Variants in PHC3 observed in about 807,000 individuals in gnomAD.
The protein encoded by PHC3 is polyhomeotic homolog 3.
PHC3 carries 13 observed loss-of-function variants against 107.4 expected under a neutral mutation model. The observed-to-expected ratio is 0.12, with a 90% CI of 0.08 to 0.19. The LOEUF (loss-of-function observed/expected upper bound fraction) is 0.19. Among genes scored for constraint, PHC3 ranks in the 10% least tolerant of loss-of-function variants. PHC3 has a pLI of 1.00. For synonymous variants in PHC3, 456 were observed against 427.4 expected (o/e 1.07, Z -0.83); for missense variants, 992 against 1,210.9 (o/e 0.82, Z 2.68).
intron 4 of PHC3, among the ~76,000 whole-genome samples, chr3:170,156,546 C>T (rs768092171): frequency 1.3e-5 from 2 of 151,916 alleles, no homozygotes; most frequent in Non-Finnish European, 2.9e-5. Flanking sequence ...GCCATCGCAC[C>T]CGGACTTTTA....
intron 7 of PHC3, among the ~76,000 whole-genome samples, chr3:170,131,238 G>T (rs988240468): frequency 6.6e-6 from 1 of 151,102 alleles, no homozygotes; most frequent in Non-Finnish European, 1.5e-5. Flanking sequence ...AAAATTTTAT[G>T]TCAGTCTTTT....
chr3:170,126,021 G>A (rs1721178656), intron 8 of PHC3: 4 of 943,652 alleles, frequency 4.2e-6, no homozygotes, highest in Non-Finnish European at 5.0e-6. Flanking sequence ...AGGAATATTT[G>A]TTTATTAGTT....
chr3:170,128,359 T>C, intron 8 of PHC3: 1 of 1,302,452 alleles, frequency 7.7e-7, no homozygotes. Flanking sequence ...AAAAACTTTG[T>C]GCAGATGACA....
chr3:170,089,855 T>C lies in PHC3; in HGVS notation c.*7375A>G, dbSNP rs1041650792. ...TCGCTTCAACCCGGGAGGTGGAGGT[T>C]GCAGTGAGCTGAGATCGCACCACTG... is the stretch of plus-strand genomic sequence containing the variant. On this transcript the variant is annotated 3_prime_UTR_variant, in exon 15 of 15. Coordinates refer to ENST00000495893, the MANE Select transcript of PHC3 (RefSeq NM_024947.4). 2.1e-5 allele frequency: 3 copies of C among 144,170 alleles called. No individual in the cohort carries two copies. The Admixed American group carries it at 2.2e-4, about 11-fold the overall frequency. 8.9% of individuals were successfully genotyped at this position (144,170 alleles called of 1,614,324 possible).
In PHC3 at chr3:170,162,975, C is replaced by T. The variant is rs78870623; in HGVS notation, c.414+8398G>A. On this transcript the variant is annotated intron_variant, in intron 4 of 14. Transcript: ENST00000495893. ...ATTAAAATGGCATATTCCCCCATTGCTTTATTTTTCTCCTTTTTTATTTCC... is the reference window on the plus strand; with the variant it reads ...ATTAAAATGGCATATTCCCCCATTGTTTTATTTTTCTCCTTTTTTATTTCC... Among the ~76,000 whole-genome samples, 732 of 139,284 alleles carry T rather than the reference C, an allele frequency of 5.3e-3. 5 individuals carry two copies. Among genetic ancestry groups the T allele is most frequent in the African/African-American group, 0.017 (699 of 40,922 alleles). The allele number at this position is 139,284 out of a possible 152,430, so 91.4% of individuals were successfully genotyped here.
At chr3:170,151,663 A>G (rs1726005477) in intron 4 of PHC3, among the ~76,000 whole-genome samples, 1 of 152,202 alleles carries the variant, frequency 6.6e-6, no homozygotes, top group South Asian at 2.1e-4. Flanking sequence ...GCTGCCCAAT[A>G]TGTAAGAAGG....
intron 11 of PHC3, among the ~76,000 whole-genome samples, chr3:170,111,329 C>CGAAA (rs1327089195): frequency 2.2e-5 from 2 of 91,384 alleles, no homozygotes; most frequent in African/African-American, 4.4e-5. Context: ...AACGAACGAA[C>CGAAA]GAAAGAACAA....
chr3:170,158,719 G>T (rs1727318232), intron 4 of PHC3, among the ~76,000 whole-genome samples: 1 of 151,798 alleles, frequency 6.6e-6, no homozygotes, highest in African/African-American at 2.4e-5. Context: ...TTGAGCTCAG[G>T]AGTTCGAGAC....
At chr3:170,123,356 T>TACACACACACACACACACACACACACAC (rs3980601) in intron 8 of PHC3, among the ~76,000 whole-genome samples, 7 of 149,822 alleles carry the variant, frequency 4.7e-5, no homozygotes, top group East Asian at 3.9e-4. Flanking sequence ...TTGAAATGCA[T>TACACACACACACACACACACACACACAC]ACACACACAC....
At chr3:170,175,623 G>T (rs371379196) in intron 2 of PHC3, among the ~76,000 whole-genome samples, 2 of 109,804 alleles carry the variant, frequency 1.8e-5, no homozygotes, top group South Asian at 3.2e-4. Context: ...AGGGAGAGAA[G>T]AAAAAAAAAA....
chr3:170,147,830 G>A (rs1725243569), intron 5 of PHC3: 1 of 152,116 alleles, frequency 6.6e-6, no homozygotes, highest in Non-Finnish European at 1.5e-5. Context: ...AACCTAAAAA[G>A]AAGATATTCA....
At chr3:170,128,304 A>G (rs754811763) in intron 8 of PHC3, 35 of 1,189,578 alleles carry the variant, frequency 2.9e-5, no homozygotes, top group Non-Finnish European at 3.8e-5. Context: ...TTGAGAACAT[A>G]CAAGCCAACA....
Position 170,094,744 on chromosome 3 carries a change from T to C in PHC3, c.*2486A>G, listed in dbSNP as rs1057297202. The C allele has an allele frequency of 6.6e-6, 1 of 152,302 alleles. No homozygotes were observed. Among genetic ancestry groups the C allele is most frequent in the African/African-American group, 2.4e-5 (1 of 41,578 alleles). 9.4% of individuals were successfully genotyped at this position (152,302 alleles called of 1,614,324 possible). A position where few individuals can be genotyped will look rare whatever the true frequency, so the allele number is the denominator to read the frequency against. ...AGCAAGTGCATATTTTGTGTATGTT[T>C]TGAGTGGGGACAACAGAGATCTGGA... is the stretch of plus-strand genomic sequence containing the variant. On this transcript the variant is annotated 3_prime_UTR_variant, in exon 15 of 15. Coordinates refer to ENST00000495893, the MANE Select transcript of PHC3 (RefSeq NM_024947.4).
rs1714365356 is a variant in PHC3 at position 170,093,851 on chromosome 3, AC to A, written c.*3378del. 6.6e-6 allele frequency: 1 copy of A among 152,214 alleles called. No homozygotes were observed. Among genetic ancestry groups the A allele is most frequent in the Non-Finnish European group, 1.5e-5 (1 of 68,030 alleles). 9.4% of individuals were successfully genotyped at this position (152,214 alleles called of 1,614,324 possible). On this transcript the variant is annotated 3_prime_UTR_variant, in exon 15 of 15. Transcript: ENST00000495893. ...TTCATAGTTCTAAGTATTTTGATAC[AC>A]CAGGAAACAAAAATCAACTGGGATC...
chr3:170,129,556 TGA>T lies in PHC3; in HGVS notation c.920-6_920-5del, dbSNP rs1721910467. ...GGCTGAATTGGAGAATATGAAGCTG[TGA>T]GAGAAAAAAATGACAATTAGTACTG... is the stretch of plus-strand genomic sequence containing the variant. On this transcript the variant is annotated splice_region_variant and splice_polypyrimidine_tract_variant and intron_variant, in intron 7 of 14. Transcript: ENST00000495893. 1 of 1,603,840 alleles carries T rather than the reference TGA, an allele frequency of 6.2e-7. No individual in the cohort carries two copies. The highest frequency in any genetic ancestry group is 1.3e-5 in the African/African-American group (1 of 74,182).
chr3:170,130,023 T>C (rs886670048), intron 7 of PHC3, among the ~76,000 whole-genome samples: 3 of 152,188 alleles, frequency 2.0e-5, no homozygotes, highest in African/African-American at 7.2e-5. Flanking sequence ...CAATTTATAG[T>C]TGGAAAACTA....
chr3:170,162,571 C>T (rs1728064070), intron 4 of PHC3, among the ~76,000 whole-genome samples: 1 of 152,196 alleles, frequency 6.6e-6, no homozygotes, highest in South Asian at 2.1e-4. Flanking sequence ...AACTACTTTT[C>T]TCCACCTCTA....
chr3:170,181,199 G>C (rs1418745065), intron 1 of PHC3, among the ~76,000 whole-genome samples: 1 of 152,192 alleles, frequency 6.6e-6, no homozygotes, highest in African/African-American at 2.4e-5. Flanking sequence ...CCGGCACGAG[G>C]GAAGCGGGCA....
chr3:170,172,271 A>G (rs1729709557), intron 3 of PHC3, among the ~76,000 whole-genome samples: 1 of 152,198 alleles, frequency 6.6e-6, no homozygotes, highest in Non-Finnish European at 1.5e-5. Context: ...ATGTAAGCCT[A>G]AGTACTCACT....
Sources: allele counts gnomAD v4.1 joint callset (sites outside exome capture counted in the v4.1 genomes callset), GRCh38; gene constraint gnomAD v4.1.1; transcripts MANE v1.5; gene names NCBI Gene and HGNC (gene_info 2026-07-23, HGNC 2026-07-21).